Variants in SPTA1 observed in about 807,000 individuals in gnomAD.
The protein encoded by SPTA1 is spectrin alpha chain, erythrocytic 1.
Under a neutral mutation model 324.7 loss-of-function variants are expected in SPTA1, and 177 were observed. The ratio of observed to expected loss-of-function variants is 0.55; its 90% CI spans 0.48 to 0.62. The LOEUF (loss-of-function observed/expected upper bound fraction) is 0.62, where lower values mean the gene tolerates loss of function less well. Among genes scored for constraint, SPTA1 ranks in the 20% least tolerant of loss-of-function variants. The pLI, the probability that SPTA1 is intolerant of heterozygous loss-of-function variation, is 0.00. For synonymous variants in SPTA1, 1,195 were observed against 1,041.3 expected (o/e 1.15, Z -2.84); for missense variants, 3,162 against 2,883.6 (o/e 1.10, Z -2.21).
At chr1:158,625,760 G>A (rs568489213) in intron 42 of SPTA1, among the ~76,000 whole-genome samples, 12 of 151,700 alleles carry the variant, frequency 7.9e-5, no homozygotes, top group African/African-American at 1.9e-4. Context: ...ATTTAAAATC[G>A]ATATGTTAGA....
intron 3 of SPTA1, among the ~76,000 whole-genome samples, chr1:158,682,133 G>C (rs1268960360): frequency 6.6e-6 from 1 of 152,182 alleles, no homozygotes; most frequent in African/African-American, 2.4e-5. Context: ...GAAATCATTG[G>C]CACCGAAACA....
chr1:158,674,566 G>A lies in SPTA1; in HGVS notation c.1222C>T (p.Leu408=), dbSNP rs778144495. ...TTATGCTGCTGATGCCTGTCCAGCA[G>A]AACTTCTCCACCAGCCACATCTGTT... ...LPTDVAGGEV[L]LDRHQQHKHE... is the part of the protein sequence containing the mutation. The change falls in exon 9 of 52, where the codon CTG becomes TTG. Residue 408 remains leucine, a synonymous_variant. Coordinates refer to ENST00000643759, the MANE Select transcript of SPTA1 (RefSeq NM_003126.4). 6.2e-7 allele frequency: 1 copy of A among 1,613,914 alleles called. No homozygotes were observed. Among genetic ancestry groups the A allele is most frequent in the East Asian group, 2.2e-5 (1 of 44,890 alleles).
At chr1:158,643,005 C>A (rs781567730) in intron 31 of SPTA1, 29 bp from the exon 32 acceptor site, 10 of 1,612,564 alleles carry the variant, frequency 6.2e-6, no homozygotes, top group Non-Finnish European at 8.5e-6. Context: ...TCACTCTATG[C>A]CCTCCTCCAC....
chr1:158,632,003 T>C (rs1461293049), intron 39 of SPTA1, among the ~76,000 whole-genome samples: 1 of 152,190 alleles, frequency 6.6e-6, no homozygotes, highest in Non-Finnish European at 1.5e-5. Context: ...CATATGTTCA[T>C]TGCAGCATTA....
At chr1:158,686,389 A>C (rs937787251) in intron 1 of SPTA1, 105 bp downstream of exon 1, 49 of 884,658 alleles carry the variant, frequency 5.5e-5, no homozygotes, top group Admixed American at 4.1e-4. Flanking sequence ...TTAAAAGCCA[A>C]ATAATTATTA....
intron 33 of SPTA1, among the ~76,000 whole-genome samples, chr1:158,641,638 A>G: frequency 1.3e-5 from 2 of 151,578 alleles, no homozygotes; most frequent in East Asian, 2.0e-4. Flanking sequence ...TAGAATGGTG[A>G]TCATTAAAAA....
intron 10 of SPTA1, among the ~76,000 whole-genome samples, chr1:158,672,689 A>G (rs1249248716): frequency 6.6e-6 from 1 of 152,206 alleles, no homozygotes; most frequent in East Asian, 1.9e-4. Flanking sequence ...AAAAACCATC[A>G]GGGAAAGAGA....
At chr1:158,629,348 G>T (rs925558088) in intron 39 of SPTA1, among the ~76,000 whole-genome samples, 3 of 151,706 alleles carry the variant, frequency 2.0e-5, no homozygotes, top group African/African-American at 7.3e-5. Flanking sequence ...CAAACAAGCA[G>T]AATTTATCCC....
At chr1:158,653,135 A>T in intron 22 of SPTA1, 139 bp downstream of exon 22, 1 of 1,348,140 alleles carries the variant, frequency 7.4e-7, no homozygotes, top group Non-Finnish European at 1.0e-6. Flanking sequence ...AAAAGATTCT[A>T]GGTTTACTTT....
At chr1:158,647,244 T>A (rs1652061385) in intron 27 of SPTA1, among the ~76,000 whole-genome samples, 1 of 152,238 alleles carries the variant, frequency 6.6e-6, no homozygotes, top group Non-Finnish European at 1.5e-5. Flanking sequence ...TAGTTATTTG[T>A]ATTCAACAGA....
At chr1:158,629,773 A>T (rs1267564132) in intron 39 of SPTA1, among the ~76,000 whole-genome samples, 1 of 152,036 alleles carries the variant, frequency 6.6e-6, no homozygotes, top group Non-Finnish European at 1.5e-5. Context: ...CTCCATAAAA[A>T]ACTGTTAGAA....
chr1:158,678,654 A>G, intron 5 of SPTA1, 120 bp from the exon 6 acceptor site: 1 of 1,251,852 alleles, frequency 8.0e-7, no homozygotes, highest in South Asian at 1.3e-5. Flanking sequence ...TGACCATTGT[A>G]GCCAGACACT....
At chr1:158,679,183 A>C (rs1256476571) in intron 5 of SPTA1, among the ~76,000 whole-genome samples, 1 of 151,814 alleles carries the variant, frequency 6.6e-6, no homozygotes, top group Non-Finnish European at 1.5e-5. Flanking sequence ...CTCCATTTTC[A>C]TTCCCATTCC....
Position 158,638,111 on chromosome 1 carries a change from G to A in SPTA1, c.5111C>T (p.Ala1704Val), listed in dbSNP as rs1651221692. The A allele has an allele frequency of 1.2e-6, 2 of 1,613,898 alleles. No homozygotes were observed. Among genetic ancestry groups the A allele is most frequent in the Non-Finnish European group, 1.7e-6 (2 of 1,179,954 alleles). ...RFLNVQELAA[A>V]HHEKLKEAYA... ...GGCCTCTTTCAATTTTTCGTGGTGT[G>A]CAGCTGCCAATTCTTGGACATTCAG... Residue 1704 changes from alanine to valine, a missense_variant, in exon 36 of 52, where the codon GCA becomes GTA. By Grantham distance (64) the Ala-to-Val change is moderately conservative. Transcript: ENST00000643759.
rs757957413 is a variant in SPTA1, at chr1:158,662,774, T to C, written c.2392A>G (p.Ile798Val). Residue 798 changes from isoleucine to valine, a missense_variant, in exon 17 of 52, where the codon ATT becomes GTT. Coordinates refer to ENST00000643759, the MANE Select transcript of SPTA1 (RefSeq NM_003126.4). ...TCCTCATCCTCTGTGTCTCTACAAA[T>C]CAGCTGCAGATGGAGAAGGTCTAAG... ...KLLDLLHLQLICRDTEDEEAW... is the reference protein window; with the variant it reads ...KLLDLLHLQLVCRDTEDEEAW... 1.2e-6 allele frequency: 2 copies of C among 1,614,048 alleles called. No individual in the cohort carries two copies. Among genetic ancestry groups the C allele is most frequent in the South Asian group, 1.1e-5 (1 of 91,086 alleles).
chr1:158,618,325 G>A (rs534124153), intron 45 of SPTA1, among the ~76,000 whole-genome samples: 6 of 152,286 alleles, frequency 3.9e-5, no homozygotes, highest in African/African-American at 1.2e-4. Context: ...GCCAGGATGT[G>A]ATGAAGTCAC....
chr1:158,636,695 C>T lies in SPTA1; in HGVS notation c.5256G>A (p.Leu1752=), dbSNP rs141683960. ...CCCCCTCTAGGCGTTTGTGCTTCTT[C>T]AGCAAGTTCTGAACCCCCTGAAGAT... ...GRDLQGVQNL[L]KKHKRLEGEL... The change falls in exon 37 of 52, where the codon CTG becomes CTA. Residue 1752 remains leucine, a synonymous_variant. Coordinates refer to ENST00000643759, the MANE Select transcript of SPTA1 (RefSeq NM_003126.4). 2.4e-4 allele frequency: 392 copies of T among 1,614,154 alleles called. 1 individual carries two copies. In the African/African-American group the frequency reaches 4.7e-3, roughly 19 times the overall value.
At chr1:158,633,727 G>A (rs114960340) in intron 39 of SPTA1, among the ~76,000 whole-genome samples, 1 of 151,578 alleles carries the variant, frequency 6.6e-6, no homozygotes, top group Non-Finnish European at 1.5e-5. Flanking sequence ...AAGCCTTTGA[G>A]AGCATTTGAT....
intron 51 of SPTA1, chr1:158,612,557 G>GAA (rs34729637): frequency 0.23 from 96,001 of 418,882 alleles, 6,134 homozygotes; most frequent in East Asian, 0.3. Flanking sequence ...AATTAATGAG[G>GAA]AAAAAAAAAA....
Sources: gnomAD v4.1 joint callset for allele counts (sites outside exome capture counted in the v4.1 genomes callset) on GRCh38, gnomAD v4.1.1 for gene constraint, MANE v1.5 for transcripts, NCBI Gene and HGNC (gene_info 2026-07-23, HGNC 2026-07-21) for gene names.